The following PLXNB3 variants were observed in gnomAD, a reference collection of about 807,000 sequenced individuals.
The protein encoded by PLXNB3 is plexin-B3.
Under a neutral mutation model 125.7 loss-of-function variants are expected in PLXNB3, and 80 were observed. The observed-to-expected ratio is 0.64, with a 90% CI of 0.53 to 0.77. The LOEUF (loss-of-function observed/expected upper bound fraction) is 0.77, where lower values mean the gene tolerates loss of function less well. PLXNB3 is among the 30% of genes least tolerant of loss of function. The pLI is 0.00. For missense variants in PLXNB3, 1,836 were observed against 1,729.3 expected, an observed-to-expected ratio of 1.06 and a Z score of -1.09; for synonymous variants, 954 against 783.3, an observed-to-expected ratio of 1.22 and a Z score of -3.64.
intron 3 of PLXNB3, 31 bp from the exon 4 acceptor site, chrX:153,768,218 G>A (rs900763289): frequency 8.6e-7 from 1 of 1,159,178 alleles, no homozygotes; most frequent in Non-Finnish European, 1.2e-6. Context: ...GCTCTCTTCC[G>A]GGGGCTGATT....
At position 153,773,498 on chromosome X, in the gene PLXNB3, C is replaced by G. The variant is rs373455856; in HGVS notation, c.3084-20C>G. On this transcript the variant is annotated intron_variant, in intron 18 of 35. Transcript: ENST00000361971. ...ATGTTGCCCACCGCCCGCCCACACC[C>G]GACTGCCATCCTGGTACAGGGGTGG... is the stretch of plus-strand genomic sequence containing the variant. 5.1e-6 allele frequency: 6 copies of G among 1,185,650 alleles called. No individual in the cohort carries two copies. The highest frequency in any genetic ancestry group is 6.8e-6 in the Non-Finnish European group (6 of 880,545).
intron 31 of PLXNB3, 67 bp from the exon 32 acceptor site, chrX:153,777,881 A>G (rs1470467810): frequency 8.8e-7 from 1 of 1,142,503 alleles, no homozygotes; most frequent in Non-Finnish European, 1.2e-6. Flanking sequence ...AGTAGGCTGG[A>G]GTACATGGGG....
In PLXNB3 at chrX:153,767,532, C is replaced by T. The variant is rs782175058; in HGVS notation, c.705C>T (p.Val235=). The T allele has an allele frequency of 1.2e-5, 14 of 1,176,619 alleles. No homozygotes were observed. The highest frequency in any genetic ancestry group is 1.2e-4 in the South Asian group (6 of 51,302). Residue 235 remains valine (V), a synonymous_variant, in exon 3 of 36, where the codon GTC becomes GTT. Transcript: ENST00000361971. ...TCTCCGACTACAACAACAGCTACGT[C>T]GGGGCCTTTGCCGACGCCCGCTCCG... is the stretch of plus-strand genomic sequence containing the variant. ...GDFSDYNNSY[V]GAFADARSAY...
At position 153,773,966 on chromosome X, in the gene PLXNB3, G is replaced by C. The variant is rs782047761; in HGVS notation, c.3387G>C (p.Val1129=). 15 of 1,210,759 alleles carry C rather than the reference G, an allele frequency of 1.2e-5. No homozygotes were observed. Among genetic ancestry groups the C allele is most frequent in the Non-Finnish European group, 1.7e-5 (15 of 895,178 alleles). Residue 1129 remains valine (V), a synonymous_variant, in exon 20 of 36, where the codon GTG becomes GTC. Coordinates refer to ENST00000361971, the MANE Select transcript of PLXNB3 (RefSeq NM_005393.3). Reference sequence around the variant, plus strand: ...GGGTCTTCTTCACCCTAGACAACGTGCAAGTGGACTTCGCCAGTGCCAGTG... The same window carrying C: ...GGGTCTTCTTCACCCTAGACAACGTCCAAGTGGACTTCGCCAGTGCCAGTG... ...PQRVFFTLDN[V]QVDFASASGG...
rs370097760 is a variant in PLXNB3 at position 153,769,922 on chromosome X, C to G, written c.1612C>G (p.Arg538Gly). The G allele has an allele frequency of 5.0e-6, 6 of 1,207,921 alleles. No homozygotes were observed. The highest frequency in any genetic ancestry group is 6.7e-6 in the Non-Finnish European group (6 of 893,995). ...GAGCCTGCTGCCGGGCCACCACCCC[C>G]GCCAGGAGCAGGGCCAGGTAAGCCG... ...IQSLLPGHHP[R>G]QEQGQVTLSV... is the part of the protein sequence containing the mutation. The change falls in exon 7 of 36, where the codon CGC becomes GGC. Residue 538 changes from arginine (R) to glycine (G), a missense_variant. By Grantham distance (125) the Arg-to-Gly change is moderately radical. Transcript: ENST00000361971.
rs782457108 is a variant in PLXNB3, at chrX:153,778,967, C to G, written c.5658C>G (p.Gly1886=). ...IISALEEDPV[G]QKLQLACRLQ... The stretch of plus-strand genomic sequence containing the variant: ...GTGCCCTGGAGGAGGACCCTGTGGG[C>G]CAGAAGCTGCAGCTGGCCTGCCGCC... The change falls in exon 36 of 36, where the codon GGC becomes GGG. Residue 1886 remains glycine, a synonymous_variant. Coordinates refer to ENST00000361971, the MANE Select transcript of PLXNB3 (RefSeq NM_005393.3). The G allele has an allele frequency of 8.4e-7, 1 of 1,194,457 alleles. No homozygotes were observed. The highest frequency in any genetic ancestry group is 1.7e-5 in the African/African-American group (1 of 57,512).
At chrX:153,769,753 T>A in intron 6 of PLXNB3, 54 bp from the exon 7 acceptor site, 1 of 1,142,383 alleles carries the variant, frequency 8.8e-7, no homozygotes, top group Non-Finnish European at 1.2e-6. Flanking sequence ...CTGTTGCCGG[T>A]CATCCTTGGA....
chrX:153,770,876 A>G lies in PLXNB3; in HGVS notation c.2129A>G (p.His710Arg), dbSNP rs781864901. 8.3e-7 allele frequency: 1 copy of G among 1,204,283 alleles called. No individual in the cohort carries two copies. Among genetic ancestry groups the G allele is most frequent in the South Asian group, 1.8e-5 (1 of 56,453 alleles). Residue 710 changes from histidine (H) to arginine (R), a missense_variant, in exon 11 of 36, where the codon CAT becomes CGT. Physicochemically the swap from His to Arg is conservative, Grantham distance 29. Coordinates refer to ENST00000361971, the MANE Select transcript of PLXNB3 (RefSeq NM_005393.3). ...GCCCTACGCGTGCGGAACCTTCAAC[A>G]TTTCCGAGTGAGCCATCAGGAGGGA... is the stretch of plus-strand genomic sequence containing the variant. ...HLALRVRNLQ[H>R]FRGLPASFHC...
At chrX:153,769,598 C>T (rs782547324) in intron 6 of PLXNB3, among the ~76,000 whole-genome samples, 27 of 113,198 alleles carry the variant, frequency 2.4e-4, no homozygotes, top group African/African-American at 8.3e-4. Context: ...CTCAGCCCAG[C>T]CGCACCTGCC....
Position 153,769,922 on chromosome X carries a change from C to A in PLXNB3, c.1612C>A (p.Arg538Ser). 1 of 1,207,921 alleles carries A rather than the reference C, an allele frequency of 8.3e-7. No homozygotes were observed. Among genetic ancestry groups the A allele is most frequent in the African/African-American group, 1.7e-5 (1 of 57,910 alleles). ...GAGCCTGCTGCCGGGCCACCACCCC[C>A]GCCAGGAGCAGGGCCAGGTAAGCCG... The part of the protein sequence containing the change: ...IQSLLPGHHP[R>S]QEQGQVTLSV... Residue 538 changes from arginine (R) to serine (S), a missense_variant, in exon 7 of 36, where the codon CGC becomes AGC. Arg to Ser is a moderately radical substitution (Grantham distance 110). Transcript: ENST00000361971.
Position 153,767,912 on chromosome X carries a change from T to C in PLXNB3, c.1085T>C (p.Leu362Pro). 3.7e-6 allele frequency: 4 copies of C among 1,088,645 alleles called. No individual in the cohort carries two copies. The South Asian group carries it at 9.3e-5, about 25-fold the overall frequency. The allele number at this position is 1,088,645 out of a possible 1,213,427, so 89.7% of individuals were successfully genotyped here. A position where few individuals can be genotyped will look rare whatever the true frequency, so the allele number is the denominator to read the frequency against. ...ACGTCGCGCTGCGTCACCCTGCCCC[T>C]TGTGAGTGGCATGCCCTTCCATCCC... ...GVTSRCVTLP[L>P]DSPESYPCGD... The change falls in exon 3 of 36, where the codon CTT becomes CCT. Residue 362 changes from leucine to proline, a missense_variant and splice_region_variant. Physicochemically the swap from Leu to Pro is moderately conservative, Grantham distance 98. Transcript: ENST00000361971.
intron 35 of PLXNB3, 113 bp downstream of exon 35, chrX:153,778,787 A>T (rs1317554303): frequency 9.0e-7 from 1 of 1,113,068 alleles, no homozygotes; most frequent in Non-Finnish European, 1.2e-6. Flanking sequence ...TGGGGAAGGG[A>T]CTCGGCTTTC....
In PLXNB3 at chrX:153,770,048, C is replaced by G. The variant is rs782170458; in HGVS notation, c.1630-44C>G. 6.7e-6 allele frequency: 8 copies of G among 1,201,880 alleles called. No individual in the cohort carries two copies. The East Asian group carries it at 2.1e-4, about 31-fold the overall frequency. On this transcript the variant is annotated intron_variant, in intron 7 of 35. Transcript: ENST00000361971. ...CCTCTCCCATGGCCTCTGCTGCCCC[C>G]TCTCTCTGGCTACATCTCCCGGTTT...
At chrX:153,773,442 G>A (rs1557062724) in intron 18 of PLXNB3, 36 bp downstream of exon 18, 10 of 1,185,088 alleles carry the variant, frequency 8.4e-6, no homozygotes, top group East Asian at 6.0e-5. Context: ...TGTGCACCAC[G>A]CAGGAGGGAA....
Position 153,778,272 on chromosome X carries a change from G to T in PLXNB3, c.5421G>T (p.Val1807=). ...SEHKVGRDSP[V]NKLLYAREIP... is the part of the protein sequence containing the mutation. ...TCCCTCCGGAGCAGGATTCCCCAGT[G>T]AACAAACTGCTCTACGCCCGGGAGA... Residue 1807 remains valine, a synonymous_variant, in exon 33 of 36, where the codon GTG becomes GTT. Coordinates refer to ENST00000361971, the MANE Select transcript of PLXNB3 (RefSeq NM_005393.3). 1 of 1,198,376 alleles carries T rather than the reference G, an allele frequency of 8.3e-7. No individual in the cohort carries two copies. The highest frequency in any genetic ancestry group is 1.1e-6 in the Non-Finnish European group (1 of 886,872).
Position 153,776,232 on chromosome X carries a change from G to T in PLXNB3, c.4729+18G>T. The T allele has an allele frequency of 2.7e-6, 3 of 1,106,152 alleles. No homozygotes were observed. Among genetic ancestry groups the T allele is most frequent in the Admixed American group, 2.5e-5 (1 of 39,722 alleles). 91.2% of individuals were successfully genotyped at this position (1,106,152 alleles called of 1,213,427 possible). Reference sequence around the variant, plus strand: ...AGACCTTGGTGAGAGAGCCAGCCCTGCCCACCCACCCCAGGGACCCTTCCC... The same window carrying T: ...AGACCTTGGTGAGAGAGCCAGCCCTTCCCACCCACCCCAGGGACCCTTCCC... On this transcript the variant is annotated intron_variant, in intron 27 of 35. Transcript: ENST00000361971.
rs1603245520 is a variant in PLXNB3 at position 153,771,064 on chromosome X, C to A, written c.2236C>A (p.His746Asn). Residue 746 changes from histidine to asparagine, a missense_variant, in exon 12 of 36, where the codon CAC becomes AAC. By Grantham distance (68) the His-to-Asn change is moderately conservative. Coordinates refer to ENST00000361971, the MANE Select transcript of PLXNB3 (RefSeq NM_005393.3). ...EETAGDSGLI[H>N]CQAHQFYPSM... ...GACAGCAGGGGATTCAGGCCTCATCCACTGCCAGGCCCACCAGGTGAGTGG... is the reference window on the plus strand; with the variant it reads ...GACAGCAGGGGATTCAGGCCTCATCAACTGCCAGGCCCACCAGGTGAGTGG... The A allele has an allele frequency of 3.3e-6, 4 of 1,205,825 alleles. No homozygotes were observed. The East Asian group carries it at 1.2e-4, about 36-fold the overall frequency.
Position 153,773,285 on chromosome X carries a change from C to T in PLXNB3, c.2962C>T (p.Pro988Ser). 8.3e-7 allele frequency: 1 copy of T among 1,209,991 alleles called. No individual in the cohort carries two copies. The highest frequency in any genetic ancestry group is 2.2e-5 in the Admixed American group (1 of 46,083). Residue 988 changes from proline to serine, a missense_variant, in exon 18 of 36, where the codon CCA (proline) becomes TCA (serine). By Grantham distance (74) the Pro-to-Ser change is moderately conservative. Coordinates refer to ENST00000361971, the MANE Select transcript of PLXNB3 (RefSeq NM_005393.3). ...GTGCCGTACCAGGCCCCAGGCTGCC[C>T]CAGGAGAAGCAGCGGTCCTTGTGGT... The part of the protein sequence containing the change: ...IVCRTRPQAA[P>S]GEAAVLVVFG...
At chrX:153,769,714 A>G in intron 6 of PLXNB3, 93 bp from the exon 7 acceptor site, 2 of 948,198 alleles carry the variant, frequency 2.1e-6, no homozygotes, top group Non-Finnish European at 2.9e-6. Context: ...ACCCCACTGC[A>G]CTCCAGCTGG....
Sources: allele counts gnomAD v4.1 joint callset (sites outside exome capture counted in the v4.1 genomes callset), GRCh38; gene constraint gnomAD v4.1.1; transcripts MANE v1.5; gene names NCBI Gene and HGNC (gene_info 2026-07-23, HGNC 2026-07-21).